The following PLCH1 variants were observed in gnomAD, a reference collection of about 807,000 sequenced individuals.
The protein encoded by PLCH1 is 1-phosphatidylinositol 4,5-bisphosphate phosphodiesterase eta-1.
A neutral mutation model predicts 126.7 loss-of-function variants in PLCH1; 60 were observed. That is an observed-to-expected ratio of 0.47 (90% CI 0.38 to 0.59). The LOEUF is 0.59. Among genes scored for constraint, PLCH1 ranks in the 20% least tolerant of loss-of-function variants. The pLI, the probability that PLCH1 is intolerant of heterozygous loss-of-function variation, is 0.00. For synonymous variants in PLCH1, 719 were observed against 734.9 expected (o/e 0.98, Z 0.35); for missense variants, 1,723 against 2,040.0 (o/e 0.84, Z 2.99).
At chr3:155,673,678 A>T (rs1228820886) in intron 2 of PLCH1, among the ~76,000 whole-genome samples, 1 of 152,156 alleles carries the variant, frequency 6.6e-6, no homozygotes, top group Non-Finnish European at 1.5e-5. Context: ...TCTCCCTATG[A>T]CTATTTTTTC....
In PLCH1 at chr3:155,627,769, ATTT is replaced by A. The variant is rs60152083; in HGVS notation, c.80-31394_80-31392del. 1.5e-3 allele frequency among the ~76,000 whole-genome samples: 178 copies of A among 116,546 alleles called. 1 individual carries two copies. The highest frequency in any genetic ancestry group is 5.0e-3 in the African/African-American group (144 of 28,562). The allele number at this position is 116,546 out of a possible 152,430, so 76.5% of individuals were successfully genotyped here. A position where few individuals can be genotyped will look rare whatever the true frequency, so the allele number is the denominator to read the frequency against. On this transcript the variant is annotated intron_variant, in intron 2 of 22. Coordinates refer to ENST00000460012, the MANE Select transcript of PLCH1 (RefSeq NM_014996.4). ...ATTTTGCCAAAAAAAGTTATCGGAG[ATTT>A]TTTTTTTTTTTTTGAGACAGAATCT...
intron 2 of PLCH1, among the ~76,000 whole-genome samples, chr3:155,604,560 A>G (rs144835535): frequency 2.0e-5 from 3 of 152,308 alleles, no homozygotes; most frequent in Non-Finnish European, 2.9e-5. Flanking sequence ...GGTGAAAGGA[A>G]TTCATCAGTA....
intron 2 of PLCH1, among the ~76,000 whole-genome samples, chr3:155,635,059 A>G (rs1738558116): frequency 6.6e-6 from 1 of 152,192 alleles, no homozygotes; most frequent in Admixed American, 6.5e-5. Flanking sequence ...TGAGGATTCA[A>G]TGAATTAATG....
chr3:155,505,965 T>C (rs1055904924), intron 12 of PLCH1, among the ~76,000 whole-genome samples: 1 of 151,876 alleles, frequency 6.6e-6, no homozygotes, highest in Non-Finnish European at 1.5e-5. Flanking sequence ...GTAGGGACTA[T>C]GCCATTTATT....
rs183272280 is a variant in PLCH1, at chr3:155,669,081, A to T, written c.79+35065T>A. Among the ~76,000 whole-genome samples the T allele has an allele frequency of 5.3e-5, 8 of 152,044 alleles. No individual in the cohort carries two copies. The East Asian group carries it at 7.7e-4, about 15-fold the overall frequency. On this transcript the variant is annotated intron_variant, in intron 2 of 22. Transcript: ENST00000460012. Reference sequence around the variant, plus strand: ...CATCTCTGGAAAAACACAAATCCACATGCCAAAATATCAACCACAGTTATG... The same window carrying T: ...CATCTCTGGAAAAACACAAATCCACTTGCCAAAATATCAACCACAGTTATG...
chr3:155,458,722 G>A (rs1348578160), intron 21 of PLCH1, among the ~76,000 whole-genome samples: 2 of 152,200 alleles, frequency 1.3e-5, no homozygotes, highest in Admixed American at 1.3e-4. Flanking sequence ...AAAGTCAGCA[G>A]ATACATTGTC....
chr3:155,598,651 T>C (rs1043483534), intron 2 of PLCH1, among the ~76,000 whole-genome samples: 5 of 152,188 alleles, frequency 3.3e-5, no homozygotes, highest in Admixed American at 6.5e-5. Context: ...ATACAGTCTG[T>C]TTCCAGCTTG....
chr3:155,534,532 CT>C (rs1341699414), intron 10 of PLCH1, among the ~76,000 whole-genome samples: 2 of 152,106 alleles, frequency 1.3e-5, no homozygotes, highest in Non-Finnish European at 2.9e-5. Flanking sequence ...TGGACTTGGA[CT>C]TTTGGGTTAA....
At chr3:155,641,703 A>G (rs1167966926) in intron 2 of PLCH1, among the ~76,000 whole-genome samples, 2 of 152,330 alleles carry the variant, frequency 1.3e-5, no homozygotes, top group Middle Eastern at 3.4e-3. Context: ...TATGTACCCC[A>G]TAAATATGTA....
intron 7 of PLCH1, among the ~76,000 whole-genome samples, chr3:155,567,105 C>T (rs2007826): frequency 0.49 from 74,956 of 151,994 alleles, 21,550 homozygotes; most frequent in Non-Finnish European, 0.65. Flanking sequence ...CAGAGTCTCA[C>T]TCTGTCACCC....
chr3:155,660,589 T>TC (rs1742019944), intron 2 of PLCH1, among the ~76,000 whole-genome samples: 1 of 152,200 alleles, frequency 6.6e-6, no homozygotes, highest in Non-Finnish European at 1.5e-5. Flanking sequence ...TTTAAAGTGA[T>TC]CTAACTACAG....
At chr3:155,597,660 T>G (rs1733152122) in intron 2 of PLCH1, among the ~76,000 whole-genome samples, 1 of 152,186 alleles carries the variant, frequency 6.6e-6, no homozygotes, top group Non-Finnish European at 1.5e-5. Context: ...CTAGGAAAGA[T>G]AATCTCATCC....
Position 155,484,480 on chromosome 3 carries a change from A to G in PLCH1, c.2974+876T>C, listed in dbSNP as rs546803512. Among the ~76,000 whole-genome samples the G allele has an allele frequency of 5.8e-4, 88 of 152,374 alleles. 1 individual carries two copies. Among genetic ancestry groups the G allele is most frequent in the Middle Eastern group, 3.4e-3 (1 of 294 alleles). ...GTGTTTGTGGGAAAAGAGAGCACTG[A>G]AATTAGACCATTTGATAAAAGTTAA... On this transcript the variant is annotated intron_variant, in intron 22 of 22. Coordinates refer to ENST00000460012, the MANE Select transcript of PLCH1 (RefSeq NM_014996.4).
At chr3:155,727,083 CTTATTT>C (rs1748392074) in intron 1 of PLCH1, among the ~76,000 whole-genome samples, 1 of 151,636 alleles carries the variant, frequency 6.6e-6, no homozygotes, top group Non-Finnish European at 1.5e-5. Flanking sequence ...CATTCACTCT[CTTATTT>C]TTAATTATTA....
rs565620952 is a variant in PLCH1, at chr3:155,624,774, T to C, written c.80-28396A>G. ...AAACAAATGGAAAAACATTCCATGCTCACGGATAGGAAGAATCAATATCGT... is the reference window on the plus strand; with the variant it reads ...AAACAAATGGAAAAACATTCCATGCCCACGGATAGGAAGAATCAATATCGT... On this transcript the variant is annotated intron_variant, in intron 2 of 22. Coordinates refer to ENST00000460012, the MANE Select transcript of PLCH1 (RefSeq NM_014996.4). Among the ~76,000 whole-genome samples, 3 of 152,250 alleles carry C rather than the reference T, an allele frequency of 2.0e-5. No homozygotes were observed. The East Asian group carries it at 5.8e-4, about 29-fold the overall frequency.
intron 1 of PLCH1, among the ~76,000 whole-genome samples, chr3:155,733,720 T>G (rs1012820486): frequency 6.6e-6 from 1 of 151,860 alleles, no homozygotes; most frequent in African/African-American, 2.4e-5. Context: ...CAAATGAGAT[T>G]GCTTCAAACT....
intron 8 of PLCH1, among the ~76,000 whole-genome samples, chr3:155,560,140 T>C (rs1052003952): frequency 1.3e-5 from 2 of 152,162 alleles, no homozygotes; most frequent in South Asian, 4.1e-4. Flanking sequence ...ATTAACAAAG[T>C]TGTAAAATTG....
intron 2 of PLCH1, among the ~76,000 whole-genome samples, chr3:155,613,001 A>G (rs1023494309): frequency 6.6e-6 from 1 of 152,112 alleles, no homozygotes; most frequent in African/African-American, 2.4e-5. Flanking sequence ...ACAAAAGATC[A>G]TTCAAGGTTC....
chr3:155,532,705 A>G (rs746108722), intron 10 of PLCH1, among the ~76,000 whole-genome samples: 22 of 152,134 alleles, frequency 1.4e-4, no homozygotes, highest in Admixed American at 2.6e-4. Flanking sequence ...TGTAAGTTTC[A>G]TGAAGCCTCC....
Sources: gnomAD v4.1 joint callset for allele counts (sites outside exome capture counted in the v4.1 genomes callset) on GRCh38, gnomAD v4.1.1 for gene constraint, MANE v1.5 for transcripts, NCBI Gene and HGNC (gene_info 2026-07-23, HGNC 2026-07-21) for gene names.